Variants in DCUN1D4 observed in about 807,000 individuals in gnomAD.
The protein encoded by DCUN1D4 is defective in cullin neddylation 1 domain containing 4.
Under a neutral mutation model 47.9 loss-of-function variants are expected in DCUN1D4, and 22 were observed. The observed-to-expected ratio is 0.46, with a 90% CI of 0.33 to 0.66. The LOEUF (loss-of-function observed/expected upper bound fraction) is 0.66. Among genes scored for constraint, DCUN1D4 ranks in the 30% least tolerant of loss-of-function variants. The pLI is 0.02. For synonymous variants in DCUN1D4, 121 were observed against 112.2 expected, an observed-to-expected ratio of 1.08 and a Z score of -0.50; for missense variants, 301 against 340.8, an observed-to-expected ratio of 0.88 and a Z score of 0.92.
chr4:51,853,093 G>A (rs986772687), intron 1 of DCUN1D4, among the ~76,000 whole-genome samples: 4 of 152,158 alleles, frequency 2.6e-5, no homozygotes, highest in Admixed American at 2.0e-4. Context: ...GCAGCCAGAC[G>A]GGTGTCCTGA....
Position 51,843,154 on chromosome 4 carries a change from G to GA in DCUN1D4, c.-89_-88insA. On this transcript the variant is annotated 5_prime_UTR_variant, in exon 1 of 11. Transcript: ENST00000334635. ...GGGAGTGCCCGGCGGCGGGTCCTCA[G>GA]CTTCGAGCCGAGGTGCAGTGAGCTG... is the stretch of plus-strand genomic sequence containing the variant. 6.6e-7 allele frequency: 1 copy of GA among 1,520,030 alleles called. No individual in the cohort carries two copies. The highest frequency in any genetic ancestry group is 8.8e-7 in the Non-Finnish European group (1 of 1,134,462). The allele number at this position is 1,520,030 out of a possible 1,614,324, so 94.2% of individuals were successfully genotyped here.
intron 8 of DCUN1D4, among the ~76,000 whole-genome samples, chr4:51,904,872 T>G (rs935624914): frequency 3.3e-5 from 5 of 152,220 alleles, no homozygotes; most frequent in African/African-American, 1.2e-4. Flanking sequence ...GCAGTGGACC[T>G]TTTAAAAATC....
At chr4:51,872,544 C>G (rs954747562) in intron 3 of DCUN1D4, among the ~76,000 whole-genome samples, 4 of 152,194 alleles carry the variant, frequency 2.6e-5, no homozygotes, top group African/African-American at 9.6e-5. Context: ...ACTCCCTTCT[C>G]AAAGCATGCT....
chr4:51,886,892 T>C, intron 6 of DCUN1D4: 2 of 457,110 alleles, frequency 4.4e-6, no homozygotes, highest in African/African-American at 2.0e-5. Flanking sequence ...GCCAGATGCT[T>C]ACAAAATGGT....
chr4:51,913,087 G>C (rs572135698), intron 9 of DCUN1D4, among the ~76,000 whole-genome samples: 10 of 152,210 alleles, frequency 6.6e-5, no homozygotes, highest in Admixed American at 2.6e-4. Flanking sequence ...TTGAGACCCT[G>C]TCATATTTTT....
chr4:51,840,206 T>C (rs1721595582), upstream of DCUN1D4, among the ~76,000 whole-genome samples: 1 of 152,144 alleles, frequency 6.6e-6, no homozygotes, highest in African/African-American at 2.4e-5. Flanking sequence ...TATAACATTA[T>C]TATCTCAGTA....
intron 3 of DCUN1D4, among the ~76,000 whole-genome samples, chr4:51,864,381 G>T (rs1431924313): frequency 6.6e-6 from 1 of 152,136 alleles, no homozygotes; most frequent in East Asian, 1.9e-4. Flanking sequence ...TTGATCTATG[G>T]TTACTAAAAT....
At chr4:51,909,049 A>G (rs1171002659) in intron 8 of DCUN1D4, 1 of 454,634 alleles carries the variant, frequency 2.2e-6, no homozygotes, top group Non-Finnish European at 4.4e-6. Flanking sequence ...ATCACTGCCA[A>G]ACATATGCAT....
At chr4:51,882,550 G>A (rs146630511) in intron 5 of DCUN1D4, among the ~76,000 whole-genome samples, 2 of 152,176 alleles carry the variant, frequency 1.3e-5, no homozygotes, top group African/African-American at 4.8e-5. Flanking sequence ...GGCGGATCAC[G>A]AGGTCAGGAG....
chr4:51,889,807 C>T (rs1284537865), intron 6 of DCUN1D4, among the ~76,000 whole-genome samples: 2 of 152,004 alleles, frequency 1.3e-5, no homozygotes, highest in African/African-American at 4.8e-5. Flanking sequence ...GAACTGTAAC[C>T]CCATCTTTTT....
upstream of DCUN1D4, chr4:51,843,147 G>T: frequency 1.3e-6 from 2 of 1,509,474 alleles, no homozygotes; most frequent in Non-Finnish European, 1.8e-6. Flanking sequence ...CCGGCGGCGG[G>T]TCCTCAGCTT....
intron 1 of DCUN1D4, chr4:51,844,923 C>T: frequency 1.0e-6 from 1 of 985,560 alleles, no homozygotes; most frequent in African/African-American, 1.7e-5. Context: ...CTCCTGCGCG[C>T]TCTCGGGAGG....
chr4:51,890,813 C>G (rs1351750721), intron 6 of DCUN1D4, among the ~76,000 whole-genome samples: 1 of 152,204 alleles, frequency 6.6e-6, no homozygotes, highest in Non-Finnish European at 1.5e-5. Flanking sequence ...GTCTTTACAC[C>G]TTTAGGTATT....
At chr4:51,848,379 AG>A in intron 1 of DCUN1D4, 2 of 1,164,888 alleles carry the variant, frequency 1.7e-6, no homozygotes, top group South Asian at 3.5e-5. Flanking sequence ...TCTGATGTTA[AG>A]GGGCCTAGAG....
chr4:51,876,293 C>T (rs1220513495), intron 4 of DCUN1D4, among the ~76,000 whole-genome samples: 1 of 152,092 alleles, frequency 6.6e-6, no homozygotes, highest in Non-Finnish European at 1.5e-5. Context: ...TGGAAACCAT[C>T]ATTCTCAGCA....
the DCUN1D4 span, among the ~76,000 whole-genome samples, chr4:51,834,431 C>T: frequency 2.6e-5 from 4 of 151,788 alleles, no homozygotes; most frequent in Admixed American, 2.0e-4. Flanking sequence ...GAAGCATCTC[C>T]ATTTCATGAT....
At chr4:51,835,768 GTA>G in the DCUN1D4 span, among the ~76,000 whole-genome samples, 1 of 152,132 alleles carries the variant, frequency 6.6e-6, no homozygotes, top group Admixed American at 6.5e-5. Flanking sequence ...GTGGGTGGGG[GTA>G]CCTGTGTCTG....
chr4:51,837,656 A>C, the DCUN1D4 span, among the ~76,000 whole-genome samples: 1 of 25,716 alleles, frequency 3.9e-5, no homozygotes, highest in Non-Finnish European at 6.7e-5. Flanking sequence ...CTCCGTCTCA[A>C]AAAAAAAAAA....
chr4:51,853,563 G>A (rs1238511018), intron 1 of DCUN1D4, among the ~76,000 whole-genome samples: 1 of 152,176 alleles, frequency 6.6e-6, no homozygotes, highest in Non-Finnish European at 1.5e-5. Flanking sequence ...ATTGGCTACT[G>A]GCACGCCAGG....
Sources: gnomAD v4.1 joint callset for allele counts (sites outside exome capture counted in the v4.1 genomes callset) on GRCh38, gnomAD v4.1.1 for gene constraint, MANE v1.5 for transcripts, NCBI Gene and HGNC (gene_info 2026-07-23, HGNC 2026-07-21) for gene names.